Variants in ITGB3BP observed in about 807,000 individuals in gnomAD.
The protein encoded by ITGB3BP is centromere protein R.
Under a neutral mutation model 29.1 loss-of-function variants are expected in ITGB3BP, and 27 were observed. The observed-to-expected ratio is 0.93, with a 90% CI of 0.68 to 1.28. The LOEUF (loss-of-function observed/expected upper bound fraction) is 1.28, where lower values mean the gene tolerates loss of function less well. Ranked by LOEUF, ITGB3BP falls within the 50% of genes most tolerant of loss-of-function variation. The probability of loss-of-function intolerance (pLI) is 0.00; values close to 1 mark genes in which losing one functional copy is unlikely to be tolerated. For synonymous variants in ITGB3BP, 61 were observed against 61.4 expected (o/e 0.99, Z 0.03); for missense variants, 192 against 200.2 (o/e 0.96, Z 0.25).
At chr1:63,510,908 A>G (rs1646186499) in intron 1 of ITGB3BP, among the ~76,000 whole-genome samples, 1 of 152,216 alleles carries the variant, frequency 6.6e-6, no homozygotes, top group African/African-American at 2.4e-5. Context: ...TACTGTTAGT[A>G]GGAATAGAAG....
rs190566856 is a variant in ITGB3BP at position 63,476,696 on chromosome 1, G to A, written c.254+2068C>T. Among the ~76,000 whole-genome samples, 314 of 152,320 alleles carry A rather than the reference G, an allele frequency of 2.1e-3. 2 individuals carry two copies. The highest frequency in any genetic ancestry group is 3.2e-3 in the Non-Finnish European group (215 of 68,026). On this transcript the variant is annotated intron_variant, in intron 4 of 8. Coordinates refer to ENST00000271002, the MANE Select transcript of ITGB3BP (RefSeq NM_014288.5). ...ATTCAGGGAGAAAAACAACAGGCTT[G>A]ATTATCTGGTATCACTTTTGTCCAA... is the stretch of plus-strand genomic sequence containing the variant.
At chr1:63,480,066 A>C (rs1645411503) in intron 3 of ITGB3BP, among the ~76,000 whole-genome samples, 1 of 152,124 alleles carries the variant, frequency 6.6e-6, no homozygotes, top group African/African-American at 2.4e-5. Flanking sequence ...ATCTAAGTAT[A>C]TCACTCATTA....
chr1:63,458,838 C>A (rs1644972385), intron 4 of ITGB3BP, among the ~76,000 whole-genome samples: 2 of 152,178 alleles, frequency 1.3e-5, no homozygotes, highest in Admixed American at 6.5e-5. Context: ...ATAAAAAAGA[C>A]CTGGTCCAGT....
chr1:63,496,446 G>A (rs1001327969), intron 2 of ITGB3BP, among the ~76,000 whole-genome samples: 8 of 151,954 alleles, frequency 5.3e-5, no homozygotes, highest in African/African-American at 1.9e-4. Flanking sequence ...TCTCCAGCAG[G>A]CCAACTGAAC....
At chr1:63,484,483 C>T (rs1316153413) in intron 3 of ITGB3BP, among the ~76,000 whole-genome samples, 2 of 151,756 alleles carry the variant, frequency 1.3e-5, no homozygotes, top group African/African-American at 4.8e-5. Flanking sequence ...TTATACTTTC[C>T]ATTATAATTT....
intron 4 of ITGB3BP, among the ~76,000 whole-genome samples, chr1:63,460,044 G>T (rs1570145270): frequency 6.6e-6 from 1 of 151,080 alleles, no homozygotes; most frequent in African/African-American, 2.4e-5. Flanking sequence ...CCCGTGTTTA[G>T]CTCTATTTAT....
At chr1:63,504,895 C>A (rs948164363) in intron 2 of ITGB3BP, among the ~76,000 whole-genome samples, 6 of 152,150 alleles carry the variant, frequency 3.9e-5, no homozygotes, top group Non-Finnish European at 8.8e-5. Context: ...TTTTGATGTG[C>A]TGCTGGATTC....
intron 4 of ITGB3BP, among the ~76,000 whole-genome samples, chr1:63,474,699 C>T (rs1645298723): frequency 6.6e-6 from 1 of 151,814 alleles, no homozygotes; most frequent in Non-Finnish European, 1.5e-5. Flanking sequence ...AGGCAGCATG[C>T]TCGTTAAGAG....
intron 1 of ITGB3BP, among the ~76,000 whole-genome samples, chr1:63,512,843 G>T (rs1199933687): frequency 3.9e-5 from 6 of 152,174 alleles, no homozygotes; most frequent in Admixed American, 3.9e-4. Flanking sequence ...GAGATTCTTA[G>T]AAATCCTTTG....
intron 4 of ITGB3BP, among the ~76,000 whole-genome samples, chr1:63,471,566 C>T (rs924269459): frequency 6.6e-6 from 1 of 151,926 alleles, no homozygotes; most frequent in Non-Finnish European, 1.5e-5. Flanking sequence ...AAGTTTTATT[C>T]TTTTACCTTT....
intron 3 of ITGB3BP, among the ~76,000 whole-genome samples, chr1:63,482,270 CAAAAAAA>C (rs376500389): frequency 1.7e-5 from 1 of 59,354 alleles, no homozygotes; most frequent in Non-Finnish European, 2.9e-5. Context: ...GACTCCATCT[CAAAAAAA>C]AAAAAAAAAA....
intron 7 of ITGB3BP, among the ~76,000 whole-genome samples, chr1:63,450,881 CTA>C (rs1644851329): frequency 6.6e-6 from 1 of 151,976 alleles, no homozygotes; most frequent in African/African-American, 2.4e-5. Context: ...TCTTATGACA[CTA>C]TGAAAATCTC....
At chr1:63,478,641 A>G in intron 4 of ITGB3BP, 123 bp downstream of exon 4, 2 of 547,650 alleles carry the variant, frequency 3.7e-6, no homozygotes, top group Non-Finnish European at 6.4e-6. Context: ...TTAAGAAAGA[A>G]TATTTCAGGT....
intron 1 of ITGB3BP, among the ~76,000 whole-genome samples, chr1:63,516,150 T>G (rs1646315243): frequency 6.6e-6 from 1 of 150,788 alleles, no homozygotes; most frequent in Non-Finnish European, 1.5e-5. Flanking sequence ...AGGCCAGGCA[T>G]GGTGGCTCAC....
At chr1:63,520,756 C>T (rs1268324456) in intron 1 of ITGB3BP, among the ~76,000 whole-genome samples, 1 of 152,208 alleles carries the variant, frequency 6.6e-6, no homozygotes, top group Non-Finnish European at 1.5e-5. Flanking sequence ...GGTATACATG[C>T]ATCTATTTGC....
At chr1:63,465,468 G>A (rs566063775) in intron 4 of ITGB3BP, among the ~76,000 whole-genome samples, 1 of 151,148 alleles carries the variant, frequency 6.6e-6, no homozygotes, top group South Asian at 2.1e-4. Context: ...TGTCTCCCAG[G>A]CTAGAGTGCA....
chr1:63,478,684 GCTTTTAAACGGTCA>G, intron 4 of ITGB3BP, 66 bp downstream of exon 4: 1 of 676,174 alleles, frequency 1.5e-6, no homozygotes, highest in South Asian at 1.9e-5. Context: ...ACAAATAAAT[GCTTTTAAACGGTCA>G]CTTTAACAAA....
At chr1:63,510,022 G>A (rs577149698) in intron 1 of ITGB3BP, 104 of 530,908 alleles carry the variant, frequency 2.0e-4, no homozygotes, top group African/African-American at 1.7e-3. Context: ...AACCCTGTCT[G>A]TACTAAAAAT....
chr1:63,444,570 C>T (rs1296516170), intron 8 of ITGB3BP, among the ~76,000 whole-genome samples: 1 of 138,026 alleles, frequency 7.2e-6, no homozygotes, highest in African/African-American at 2.8e-5. Flanking sequence ...TAATCTATTA[C>T]ATAATAGGAT....
Sources: gnomAD v4.1 joint callset for allele counts (sites outside exome capture counted in the v4.1 genomes callset) on GRCh38, gnomAD v4.1.1 for gene constraint, MANE v1.5 for transcripts, NCBI Gene and HGNC (gene_info 2026-07-23, HGNC 2026-07-21) for gene names.